The following GNS variants were observed in gnomAD, a reference collection of about 807,000 sequenced individuals.
GNS encodes the protein N-acetylglucosamine-6-sulfatase.
In GNS, 40 loss-of-function variants were observed where a neutral mutation model predicts 69.7. That is an observed-to-expected ratio of 0.57 (90% CI 0.45 to 0.75). The LOEUF (loss-of-function observed/expected upper bound fraction) is 0.75, where lower values mean the gene tolerates loss of function less well. Ranked by LOEUF, GNS falls within the 30% of genes least tolerant of loss-of-function variation. The probability of loss-of-function intolerance (pLI) is 0.00; values close to 1 mark genes in which losing one functional copy is unlikely to be tolerated. For synonymous variants in GNS, 243 were observed against 251.6 expected (o/e 0.97, Z 0.32); for missense variants, 565 against 685.5 (o/e 0.82, Z 1.96).
intron 10 of GNS, among the ~76,000 whole-genome samples, chr12:64,728,248 T>C (rs1033041063): frequency 6.6e-6 from 1 of 152,226 alleles, no homozygotes; most frequent in African/African-American, 2.4e-5. Flanking sequence ...GAGTGAATTG[T>C]ATGGTATGGG....
At chr12:64,732,153 A>ATTTTTTTTTTTTTTTTTTTTTTTTTTT (rs1210247666) in intron 9 of GNS, among the ~76,000 whole-genome samples, 1 of 88,722 alleles carries the variant, frequency 1.1e-5, no homozygotes. Context: ...CACCTGGCTA[A>ATTTTTTTTTTTTTTTTTTTTTTTTTTT]TTTTTTTTTT....
intron 1 of GNS, among the ~76,000 whole-genome samples, chr12:64,753,921 A>G (rs1147093): frequency 0.54 from 81,819 of 152,072 alleles, 22,956 homozygotes; most frequent in East Asian, 0.88. Context: ...TCCTCAGGAA[A>G]AGAATACTGG....
intron 2 of GNS, among the ~76,000 whole-genome samples, chr12:64,749,575 TGAG>T (rs1260216916): frequency 6.6e-6 from 1 of 152,202 alleles, no homozygotes; most frequent in African/African-American, 2.4e-5. Context: ...TAAAAAATGG[TGAG>T]GAGGAACATT....
At chr12:64,736,314 G>T (rs539729567) in intron 9 of GNS, among the ~76,000 whole-genome samples, 27 of 152,360 alleles carry the variant, frequency 1.8e-4, no homozygotes, top group Admixed American at 1.6e-3. Flanking sequence ...GGCAGTTCTA[G>T]GAGAGAGAAC....
Position 64,747,821 on chromosome 12 carries a change from T to C in GNS, c.350A>G (p.Asn117Ser). 6.2e-7 allele frequency: 1 copy of C among 1,604,028 alleles called. No homozygotes were observed. The highest frequency in any genetic ancestry group is 8.5e-7 in the Non-Finnish European group (1 of 1,170,706). The change falls in exon 3 of 14, where the codon AAC becomes AGC. Residue 117 changes from asparagine (N) to serine (S), a missense_variant. Physicochemically the swap from Asn to Ser is conservative, Grantham distance 46. This residue lies in a region of GNS where 181 missense variants were observed against 174.4 expected (regional missense o/e 1.04). Transcript: ENST00000258145. ...HHVVNNTLEG[N>S]CSSKSWQKIQ... Reference sequence around the variant, plus strand: ...CTTCTGCCAGGACTTACTACTGCAGTTCCCCTCCAGAGTGTTGTTCACAAC... The same window carrying C: ...CTTCTGCCAGGACTTACTACTGCAGCTCCCCTCCAGAGTGTTGTTCACAAC...
At chr12:64,746,002 AAAT>A in intron 3 of GNS, 2 of 492,616 alleles carry the variant, frequency 4.1e-6, no homozygotes, top group South Asian at 2.5e-5. Flanking sequence ...AAGTTAATCA[AAAT>A]AAGAATATTT....
rs1869528933 is a variant in GNS, at chr12:64,735,335, C to T, written c.1098+1669G>A. 2.6e-5 allele frequency among the ~76,000 whole-genome samples: 4 copies of T among 152,320 alleles called. No homozygotes were observed. In the South Asian group the frequency reaches 8.3e-4, roughly 32 times the overall value. On this transcript the variant is annotated intron_variant, in intron 9 of 13. Coordinates refer to ENST00000258145, the MANE Select transcript of GNS (RefSeq NM_002076.4). ...TCTTCAGCAAACAACTTCTCTGCTTCAGTTTTCCTCATCTGCAAAATAGGG... is the reference window on the plus strand; with the variant it reads ...TCTTCAGCAAACAACTTCTCTGCTTTAGTTTTCCTCATCTGCAAAATAGGG...
Position 64,745,668 on chromosome 12 carries a change from C to G in GNS, c.516G>C (p.Trp172Cys). Residue 172 changes from tryptophan to cysteine, a missense_variant, in exon 4 of 14, where the codon TGG becomes TGC. By Grantham distance (215) the Trp-to-Cys change is radical. Around this residue, in one of 2 missense-constraint regions of GNS, gnomAD observed 384 missense variants for 511.0 expected, o/e 0.75. Transcript: ENST00000258145. ...TTCAATAATCACTCACCAAGGCATA[C>G]CAGTAACTCCAACCCAGAGGAACGT... is the stretch of plus-strand genomic sequence containing the variant. ...LEHVPLGWSY[W>C]YALEKNSKYY... 2.5e-6 allele frequency: 4 copies of G among 1,593,228 alleles called. No individual in the cohort carries two copies. Among genetic ancestry groups the G allele is most frequent in the Non-Finnish European group, 2.6e-6 (3 of 1,160,930 alleles).
At position 64,729,045 on chromosome 12, in the gene GNS, T is replaced by G. The variant is rs139928552; in HGVS notation, c.1111A>C (p.Asn371His). Reference protein sequence around the residue: ...PNQTSKMLVANIDLGPTILDI... With the variant: ...PNQTSKMLVAHIDLGPTILDI... ...AAAATAGTAGGACCCAAGTCAATGT[T>G]GGCAACCAGCATCTATGAGAATGAG... The change falls in exon 10 of 14, where the codon AAC (asparagine) becomes CAC (histidine). Residue 371 changes from asparagine to histidine, a missense_variant. This residue lies in a region of GNS where 384 missense variants were observed against 511.0 expected (regional missense o/e 0.75). Transcript: ENST00000258145. The G allele has an allele frequency of 1.0e-5, 16 of 1,568,126 alleles. No homozygotes were observed. Among genetic ancestry groups the G allele is most frequent in the Non-Finnish European group, 1.4e-5 (16 of 1,138,326 alleles).
At chr12:64,753,689 T>A (rs767838536) in intron 1 of GNS, among the ~76,000 whole-genome samples, 6 of 152,238 alleles carry the variant, frequency 3.9e-5, no homozygotes, top group Non-Finnish European at 5.9e-5. Flanking sequence ...TTTTCAATAA[T>A]GTATAAATGA....
chr12:64,745,547 A>G (rs1869873277), intron 4 of GNS, 112 bp downstream of exon 4: 2 of 821,748 alleles, frequency 2.4e-6, no homozygotes, highest in Admixed American at 3.5e-5. Flanking sequence ...AAGGTTTTTA[A>G]AATGACTAAT....
chr12:64,722,792 A>T, intron 11 of GNS: 1 of 550,638 alleles, frequency 1.8e-6, no homozygotes, highest in Non-Finnish European at 3.3e-6. Context: ...TTGCTACATA[A>T]ATTGGAAGAT....
At chr12:64,742,104 T>G (rs1869757515) in intron 6 of GNS, among the ~76,000 whole-genome samples, 1 of 152,174 alleles carries the variant, frequency 6.6e-6, no homozygotes, top group South Asian at 2.1e-4. Context: ...CACGGCAAGC[T>G]CCGCCTCCCG....
At chr12:64,756,565 A>C (rs1237958437) in intron 1 of GNS, 8 of 598,496 alleles carry the variant, frequency 1.3e-5, no homozygotes, top group Admixed American at 5.7e-5. Context: ...TAGTCATGTC[A>C]CTTAACCACC....
At chr12:64,742,101 A>C (rs1467483316) in intron 6 of GNS, among the ~76,000 whole-genome samples, 1 of 151,866 alleles carries the variant, frequency 6.6e-6, no homozygotes, top group African/African-American at 2.4e-5. Context: ...GCTCACGGCA[A>C]GCTCCGCCTC....
At chr12:64,751,982 A>C (rs949944782) in intron 2 of GNS, among the ~76,000 whole-genome samples, 1 of 151,880 alleles carries the variant, frequency 6.6e-6, no homozygotes, top group Non-Finnish European at 1.5e-5. Context: ...AAGAAAGAAA[A>C]GAAAAAATAA....
chr12:64,714,987 T>C lies in GNS; in HGVS notation c.*1754A>G, dbSNP rs1868816584. ...AGGTAAAGGAATATATCCAATTGAC[T>C]GTTAGCCCAACATGACTATCTGCAA... On this transcript the variant is annotated 3_prime_UTR_variant, in exon 14 of 14. Transcript: ENST00000258145. The C allele has an allele frequency of 6.6e-6, 1 of 152,640 alleles. No individual in the cohort carries two copies. 9.5% of individuals were successfully genotyped at this position (152,640 alleles called of 1,614,324 possible). A position where few individuals can be genotyped will look rare whatever the true frequency, so the allele number is the denominator to read the frequency against.
chr12:64,743,326 T>A lies in GNS; in HGVS notation c.625-18A>T. 6.3e-7 allele frequency: 1 copy of A among 1,585,008 alleles called. No individual in the cohort carries two copies. Among genetic ancestry groups the A allele is most frequent in the Non-Finnish European group, 8.7e-7 (1 of 1,153,768 alleles). On this transcript the variant is annotated intron_variant, in intron 5 of 13. Transcript: ENST00000258145. Reference sequence around the variant, plus strand: ...ACATTAGCCTGACACATAAAAAGATTTGTCATCTCCTACCTTACCCAACAG... The same window carrying A: ...ACATTAGCCTGACACATAAAAAGATATGTCATCTCCTACCTTACCCAACAG...
intron 9 of GNS, among the ~76,000 whole-genome samples, chr12:64,735,443 C>T (rs1196330002): frequency 6.6e-6 from 1 of 152,208 alleles, no homozygotes; most frequent in African/African-American, 2.4e-5. Context: ...CTGTCCCATA[C>T]TAAACACTCA....
Sources: gnomAD v4.1 joint callset for allele counts (sites outside exome capture counted in the v4.1 genomes callset) on GRCh38, gnomAD v4.1.1 for gene constraint, gnomAD v4.1.1 regional missense constraint, MANE v1.5 for transcripts, NCBI Gene and HGNC (gene_info 2026-07-23, HGNC 2026-07-21) for gene names.